CDX2: variants seen among roughly 807,000 people sequenced by gnomAD.
The protein encoded by CDX2 is homeobox protein CDX-2.
In CDX2, 7 loss-of-function variants were observed where a neutral mutation model predicts 25.5. The ratio of observed to expected loss-of-function variants is 0.27; its 90% CI spans 0.16 to 0.52. CDX2 has a LOEUF of 0.52. CDX2 is among the 20% of genes least tolerant of loss of function. CDX2 has a pLI of 0.97. For synonymous variants in CDX2, 222 were observed against 198.6 expected, an observed-to-expected ratio of 1.12 and a Z score of -0.99; for missense variants, 375 against 431.4, an observed-to-expected ratio of 0.87 and a Z score of 1.16.
chr13:27,964,414 G>A lies in CDX2; in HGVS notation c.687+456C>T, dbSNP rs538413164. On this transcript the variant is annotated intron_variant, in intron 2 of 2. Transcript: ENST00000381020. This position sits in a 1 kb window ranked among gnomAD's most constrained non-coding sequence, Gnocchi z 4.7. ...AACTGCGTTTCGACGGTGGCGGGTG[G>A]GGGGGCATGTACTCCAGGCCAGGCA... is the stretch of plus-strand genomic sequence containing the variant. 1.7e-4 allele frequency among the ~76,000 whole-genome samples: 25 copies of A among 151,068 alleles called. No homozygotes were observed. Among genetic ancestry groups the A allele is most frequent in the African/African-American group, 5.4e-4 (22 of 41,086 alleles).
intron 2 of CDX2, among the ~76,000 whole-genome samples, 188 bp from the exon 3 acceptor site, chr13:27,963,557 T>G (rs76508733): frequency 0.052 from 7,973 of 152,292 alleles, 722 homozygotes; most frequent in African/African-American, 0.18. Flanking sequence ...TTCAGCCTCA[T>G]GGGGAAGAGT....
chr13:27,963,493 C>T (rs1017970045), intron 2 of CDX2, 124 bp from the exon 3 acceptor site: 1 of 824,552 alleles, frequency 1.2e-6, no homozygotes, highest in South Asian at 1.9e-5. Flanking sequence ...CTTCTAGAAG[C>T]TTTCCTCGGG....
At chr13:27,963,518 C>T (rs1869173795) in intron 2 of CDX2, 149 bp from the exon 3 acceptor site, 3 of 655,706 alleles carry the variant, frequency 4.6e-6, no homozygotes, top group African/African-American at 1.8e-5. Context: ...CCCATAACAG[C>T]CCAACCCTGG....
intron 2 of CDX2, among the ~76,000 whole-genome samples, 197 bp from the exon 3 acceptor site, chr13:27,963,566 G>A (rs547260590): frequency 2.0e-5 from 3 of 152,312 alleles, no homozygotes; most frequent in South Asian, 4.1e-4. Context: ...ATGGGGAAGA[G>A]TCTTCCTCCT....
Position 27,964,793 on chromosome 13 carries a change from C to A in CDX2, c.687+77G>T. On this transcript the variant is annotated intron_variant, in intron 2 of 2. Transcript: ENST00000381020. The surrounding 1 kb of genome is among the most constrained non-coding windows in gnomAD (Gnocchi z 4.7). ...AGTCTCTCCACAGATTTAGATGGCCCCTGCAGCCAGATTTTCTAACTCTCA... is the reference window on the plus strand; with the variant it reads ...AGTCTCTCCACAGATTTAGATGGCCACTGCAGCCAGATTTTCTAACTCTCA... 7.0e-7 allele frequency: 1 copy of A among 1,427,224 alleles called. No homozygotes were observed. Among genetic ancestry groups the A allele is most frequent in the Non-Finnish European group, 9.8e-7 (1 of 1,022,368 alleles). 88.4% of individuals were successfully genotyped at this position (1,427,224 alleles called of 1,614,324 possible). A position where few individuals can be genotyped will look rare whatever the true frequency, so the allele number is the denominator to read the frequency against.
chr13:27,963,308 T>A lies in CDX2; in HGVS notation c.749A>T (p.Gln250Leu). ...TGGTGGCTGCTGCTGCTGTTGCTGCTGCAACTTCTTCTTGTTGATTTTCCT... is the reference window on the plus strand; with the variant it reads ...TGGTGGCTGCTGCTGCTGTTGCTGCAGCAACTTCTTCTTGTTGATTTTCCT... Reference protein sequence around the residue: ...KERKINKKKLQQQQQQQPPQP... With the variant: ...KERKINKKKLLQQQQQQPPQP... Residue 250 changes from glutamine to leucine, a missense_variant, in exon 3 of 3, where the codon CAG (glutamine) becomes CTG (leucine). Around this residue, in one of 3 missense-constraint regions of CDX2, gnomAD observed 64 missense variants for 124.6 expected, o/e 0.51. Coordinates refer to ENST00000381020, the MANE Select transcript of CDX2 (RefSeq NM_001265.6). 6.2e-7 allele frequency: 1 copy of A among 1,613,396 alleles called. No homozygotes were observed. The highest frequency in any genetic ancestry group is 8.5e-7 in the Non-Finnish European group (1 of 1,179,400).
chr13:27,966,909 C>G (rs1054670461), intron 1 of CDX2, among the ~76,000 whole-genome samples: 1 of 151,818 alleles, frequency 6.6e-6, no homozygotes, highest in African/African-American at 2.4e-5. Context: ...CAGAGGAGCC[C>G]GGCTCCGGCC....
At chr13:27,967,722 G>C (rs1003701561) in intron 1 of CDX2, among the ~76,000 whole-genome samples, 1 of 152,184 alleles carries the variant, frequency 6.6e-6, no homozygotes, top group African/African-American at 2.4e-5. Context: ...TTCCCACCAG[G>C]GTTTCCTCCC....
At position 27,968,758 on chromosome 13, in the gene CDX2, T is replaced by G. The variant is rs1198521309; in HGVS notation, c.249A>C (p.Gly83=). The change falls in exon 1 of 3, where the codon GGA becomes GGC. Residue 83 remains glycine (G), a synonymous_variant. Transcript: ENST00000381020. ...CGGCGTTGGCGGCGGCCGCGGCGCC[T>G]CCGGGCGCGTAGCCATTCCAGTCCT... The part of the protein sequence containing the change: ...LREDWNGYAP[G]GAAAAANAVA... 1 of 1,503,558 alleles carries G rather than the reference T, an allele frequency of 6.7e-7. No individual in the cohort carries two copies. The highest frequency in any genetic ancestry group is 8.8e-7 in the Non-Finnish European group (1 of 1,133,468). The allele number at this position is 1,503,558 out of a possible 1,614,324, so 93.1% of individuals were successfully genotyped here.
At chr13:27,967,179 G>T (rs911472224) in intron 1 of CDX2, 3 of 437,128 alleles carry the variant, frequency 6.9e-6, no homozygotes, top group Non-Finnish European at 1.3e-5. Flanking sequence ...GTCTTTGGGA[G>T]CCAGGATCTG....
chr13:27,962,157 ATC>A lies in CDX2; in HGVS notation c.*956_*957del, dbSNP rs1869078881. 4.3e-6 allele frequency: 1 copy of A among 232,282 alleles called. No individual in the cohort carries two copies. The highest frequency in any genetic ancestry group is 5.6e-5 in the Admixed American group (1 of 17,750). 14.4% of individuals were successfully genotyped at this position (232,282 alleles called of 1,614,324 possible). A position where few individuals can be genotyped will look rare whatever the true frequency, so the allele number is the denominator to read the frequency against. On this transcript the variant is annotated 3_prime_UTR_variant, in exon 3 of 3. Coordinates refer to ENST00000381020, the MANE Select transcript of CDX2 (RefSeq NM_001265.6). ...AATCTGAAATCTGGAAAGCTCATTT[ATC>A]TCTTTTTCTTTTTAGAAAAAATTCA...
rs373053066 is a variant in CDX2, at chr13:27,968,911, G to T, written c.96C>A (p.Val32=). Residue 32 remains valine (V), a synonymous_variant, in exon 1 of 3, where the codon GTC becomes GTA. Coordinates refer to ENST00000381020, the MANE Select transcript of CDX2 (RefSeq NM_001265.6). ...CGTAGTCCGGGTACTGCGGGGGGCT[G>T]ACGAAGTTCTGCGGCGCCAGGTTGA... is the stretch of plus-strand genomic sequence containing the variant. The part of the protein sequence containing the change: ...GGLNLAPQNF[V]SPPQYPDYGG... The T allele has an allele frequency of 3.7e-6, 6 of 1,608,452 alleles. No individual in the cohort carries two copies. The African/African-American group carries it at 5.3e-5, about 14-fold the overall frequency.
intron 1 of CDX2, among the ~76,000 whole-genome samples, chr13:27,966,498 G>C (rs1869333426): frequency 6.6e-6 from 1 of 152,226 alleles, no homozygotes; most frequent in Non-Finnish European, 1.5e-5. Context: ...AGCCTGGCTG[G>C]AGCCACAGAG....
At position 27,964,040 on chromosome 13, in the gene CDX2, G is replaced by A. The variant is rs190887955; in HGVS notation, c.688-671C>T. ...TTCACACTTCTTATATCCCTCAAAA[G>A]AGAGAGACAGAAAAAATCAACAACA... is the stretch of plus-strand genomic sequence containing the variant. On this transcript the variant is annotated intron_variant, in intron 2 of 2. Coordinates refer to ENST00000381020, the MANE Select transcript of CDX2 (RefSeq NM_001265.6). The surrounding 1 kb of genome is among the most constrained non-coding windows in gnomAD (Gnocchi z 4.7). Among the ~76,000 whole-genome samples the A allele has an allele frequency of 1.1e-3, 162 of 152,270 alleles. No individual in the cohort carries two copies. The highest frequency in any genetic ancestry group is 1.9e-3 in the Admixed American group (29 of 15,282).
chr13:27,963,572 C>T (rs1021925035), intron 2 of CDX2, among the ~76,000 whole-genome samples: 9 of 152,174 alleles, frequency 5.9e-5, no homozygotes, highest in Admixed American at 5.2e-4. Flanking sequence ...AAGAGTCTTC[C>T]TCCTTCCTTG....
intron 1 of CDX2, among the ~76,000 whole-genome samples, chr13:27,967,885 G>A (rs957078204): frequency 1.3e-5 from 2 of 152,156 alleles, no homozygotes; most frequent in African/African-American, 4.8e-5. Context: ...CTTCTTCCCA[G>A]CGACAGCAGC....
chr13:27,966,456 A>T (rs1378987211), intron 1 of CDX2, among the ~76,000 whole-genome samples: 1 of 152,234 alleles, frequency 6.6e-6, no homozygotes, highest in East Asian at 1.9e-4. Flanking sequence ...AGACCGGGTC[A>T]CGCAGATAGT....
At chr13:27,965,577 G>C (rs1287946409) in intron 1 of CDX2, among the ~76,000 whole-genome samples, 1 of 152,198 alleles carries the variant, frequency 6.6e-6, no homozygotes, top group Non-Finnish European at 1.5e-5. Context: ...TCTGAGCTGG[G>C]CTCTGGCCGA....
Position 27,968,870 on chromosome 13 carries a change from G to T in CDX2, c.137C>A (p.Ala46Glu), listed in dbSNP as rs747931887. The change falls in exon 1 of 3, where the codon GCG (alanine) becomes GAG (glutamate). Residue 46 changes from alanine (A) to glutamate (E), a missense_variant. By Grantham distance (107) the Ala-to-Glu change is moderately radical (BLOSUM62 -1). This residue lies in a region of CDX2 where 253 missense variants were observed against 247.5 expected (regional missense o/e 1.02). Transcript: ENST00000381020. ...QYPDYGGYHV[A>E]AAAAAAANLD... ...GTTCGCTGCCGCTGCAGCTGCGGCCGCCACGTGGTAACCGCCGTAGTCCGG... is the reference window on the plus strand; with the variant it reads ...GTTCGCTGCCGCTGCAGCTGCGGCCTCCACGTGGTAACCGCCGTAGTCCGG... 31 of 1,599,160 alleles carry T rather than the reference G, an allele frequency of 1.9e-5. No homozygotes were observed. Among genetic ancestry groups the T allele is most frequent in the Non-Finnish European group, 2.6e-5 (30 of 1,174,592 alleles).
Sources: gnomAD v4.1 joint callset for allele counts (sites outside exome capture counted in the v4.1 genomes callset) on GRCh38, gnomAD v4.1.1 for gene constraint, gnomAD v4.1.1 regional missense constraint, Gnocchi (gnomAD v3.1) non-coding constraint, MANE v1.5 for transcripts, NCBI Gene and HGNC (gene_info 2026-07-23, HGNC 2026-07-21) for gene names.